The following PGM2L1 variants were observed in gnomAD, a reference collection of about 807,000 sequenced individuals.
The protein encoded by PGM2L1 is glucose 1,6-bisphosphate synthase.
A neutral mutation model predicts 73.4 loss-of-function variants in PGM2L1; 35 were observed. The observed-to-expected ratio is 0.48, with a 90% confidence interval of 0.36 to 0.63. The LOEUF (loss-of-function observed/expected upper bound fraction) is 0.63, where lower values mean the gene tolerates loss of function less well. Ranked by LOEUF, PGM2L1 falls within the 30% of genes least tolerant of loss-of-function variation. The pLI is 0.00. For missense variants in PGM2L1, 570 were observed against 742.0 expected (o/e 0.77, Z 2.69); for synonymous variants, 225 against 253.8 (o/e 0.89, Z 1.08).
intron 1 of PGM2L1, among the ~76,000 whole-genome samples, chr11:74,392,996 G>C (rs1006731242): frequency 6.6e-6 from 1 of 152,182 alleles, no homozygotes; most frequent in Non-Finnish European, 1.5e-5. Flanking sequence ...CTTAAAAGCC[G>C]TATCTCCTTT....
At chr11:74,365,667 A>G (rs1025413977) in intron 5 of PGM2L1, among the ~76,000 whole-genome samples, 3 of 152,300 alleles carry the variant, frequency 2.0e-5, no homozygotes, top group African/African-American at 7.2e-5. Context: ...ATGAGATACC[A>G]TCTCACACCA....
chr11:74,379,462 T>C (rs1462673992), intron 1 of PGM2L1, among the ~76,000 whole-genome samples: 1 of 152,138 alleles, frequency 6.6e-6, no homozygotes, highest in Non-Finnish European at 1.5e-5. Context: ...TGTAAATCTT[T>C]TTTCCTACTT....
At chr11:74,346,126 T>C (rs1469988959) in intron 8 of PGM2L1, among the ~76,000 whole-genome samples, 2 of 151,362 alleles carry the variant, frequency 1.3e-5, no homozygotes, top group South Asian at 2.1e-4. Flanking sequence ...TAGCCAGGCA[T>C]GGTGGCACAT....
At position 74,351,455 on chromosome 11, in the gene PGM2L1, G is replaced by C; in HGVS notation, c.677C>G (p.Pro226Arg). 6.2e-7 allele frequency: 1 copy of C among 1,613,934 alleles called. No homozygotes were observed. The highest frequency in any genetic ancestry group is 8.5e-7 in the Non-Finnish European group (1 of 1,179,982). The change falls in exon 6 of 14, where the codon CCG (proline) becomes CGG (arginine). Residue 226 changes from proline (P) to arginine (R), a missense_variant. By Grantham distance (103) the Pro-to-Arg change is moderately radical. Transcript: ENST00000298198. ...SWNDNLVDTS[P>R]LKRDPLQDIC... ...GTCCTGCAGAGGGTCTCTCTTCAGC[G>C]GGCTGGTATCCACTAAATTATCATT...
chr11:74,349,431 G>A (rs1336688411), intron 6 of PGM2L1, among the ~76,000 whole-genome samples: 2 of 152,184 alleles, frequency 1.3e-5, no homozygotes, highest in Non-Finnish European at 2.9e-5. Context: ...GTCAGTGGGA[G>A]TCCCTTCAAG....
chr11:74,395,859 G>C (rs1863167994), intron 1 of PGM2L1, among the ~76,000 whole-genome samples: 1 of 151,962 alleles, frequency 6.6e-6, no homozygotes, highest in Non-Finnish European at 1.5e-5. Flanking sequence ...TATTTTATGT[G>C]CATTTTACAG....
At chr11:74,362,113 G>T (rs1333889159) in intron 5 of PGM2L1, among the ~76,000 whole-genome samples, 1 of 152,116 alleles carries the variant, frequency 6.6e-6, no homozygotes, top group East Asian at 1.9e-4. Context: ...CATCAAACTT[G>T]AAATGAAGGA....
chr11:74,390,367 G>C (rs1863083085), intron 1 of PGM2L1, among the ~76,000 whole-genome samples: 2 of 152,056 alleles, frequency 1.3e-5, no homozygotes, highest in Admixed American at 6.6e-5. Context: ...CTACATTTAA[G>C]GTTTCTTCAT....
chr11:74,377,028 G>A (rs1336689101), intron 1 of PGM2L1, among the ~76,000 whole-genome samples: 1 of 151,666 alleles, frequency 6.6e-6, no homozygotes, highest in African/African-American at 2.4e-5. Context: ...CCATTCAGAT[G>A]AACTTACATT....
intron 1 of PGM2L1, among the ~76,000 whole-genome samples, chr11:74,392,147 A>T (rs1268942603): frequency 6.6e-6 from 1 of 152,170 alleles, no homozygotes; most frequent in African/African-American, 2.4e-5. Context: ...CATGGTAACC[A>T]CAAAAATAAC....
intron 13 of PGM2L1, among the ~76,000 whole-genome samples, chr11:74,337,177 G>A (rs561030075): frequency 7.8e-4 from 119 of 152,276 alleles, no homozygotes; most frequent in Admixed American, 2.6e-3. Context: ...CTAAAATAAC[G>A]TGATGTTTAA....
intron 5 of PGM2L1, among the ~76,000 whole-genome samples, chr11:74,363,794 C>T (rs951979437): frequency 9.2e-5 from 14 of 152,316 alleles, no homozygotes; most frequent in Admixed American, 8.5e-4. Flanking sequence ...TAAGGAGGAG[C>T]TGGTACCATT....
At chr11:74,395,137 G>A (rs1464898688) in intron 1 of PGM2L1, among the ~76,000 whole-genome samples, 2 of 152,034 alleles carry the variant, frequency 1.3e-5, no homozygotes, top group Non-Finnish European at 2.9e-5. Context: ...GATCAATGAA[G>A]AAATTTATTA....
intron 5 of PGM2L1, among the ~76,000 whole-genome samples, chr11:74,367,949 A>G (rs1431158482): frequency 1.3e-5 from 2 of 152,106 alleles, no homozygotes; most frequent in African/African-American, 4.8e-5. Context: ...AAATACAAGA[A>G]CACAGGCTTA....
chr11:74,347,599 A>C (rs1862286190), intron 6 of PGM2L1, among the ~76,000 whole-genome samples: 1 of 152,168 alleles, frequency 6.6e-6, no homozygotes, highest in African/African-American at 2.4e-5. Context: ...TGAACAAGCT[A>C]AGCTTGTATC....
intron 1 of PGM2L1, among the ~76,000 whole-genome samples, chr11:74,396,420 C>CT (rs1863177437): frequency 6.6e-6 from 1 of 151,074 alleles, no homozygotes; most frequent in East Asian, 1.9e-4. Flanking sequence ...TTTTTCTTTT[C>CT]TTTTCTTTTT....
rs1025827722 is a variant in PGM2L1 at position 74,393,847 on chromosome 11, A to G, written c.111+4204T>C. Among the ~76,000 whole-genome samples, 3 of 152,298 alleles carry G rather than the reference A, an allele frequency of 2.0e-5. No individual in the cohort carries two copies. The South Asian group carries it at 6.2e-4, about 32-fold the overall frequency. On this transcript the variant is annotated intron_variant, in intron 1 of 13. Coordinates refer to ENST00000298198, the MANE Select transcript of PGM2L1 (RefSeq NM_173582.6). ...CCCATCCACTTTGCCAGTGCCTAACATCTTACATATAGGACTGCTTTTAAA... is the reference window on the plus strand; with the variant it reads ...CCCATCCACTTTGCCAGTGCCTAACGTCTTACATATAGGACTGCTTTTAAA...
At chr11:74,370,699 C>G (rs1862738320) in intron 4 of PGM2L1, among the ~76,000 whole-genome samples, 1 of 152,180 alleles carries the variant, frequency 6.6e-6, no homozygotes, top group African/African-American at 2.4e-5. Flanking sequence ...GACTTGTCAA[C>G]TTTTATAGAT....
intron 5 of PGM2L1, among the ~76,000 whole-genome samples, chr11:74,362,231 GGGGGCCAATATTCAACATTC>G (rs1233762767): frequency 1.3e-5 from 2 of 152,176 alleles, no homozygotes; most frequent in Non-Finnish European, 2.9e-5. Flanking sequence ...AGAAGAGAGT[GGGGGCCAATATTCAACATTC>G]TTTAAAAAAG....
Sources: gnomAD v4.1 joint callset for allele counts (sites outside exome capture counted in the v4.1 genomes callset) on GRCh38, gnomAD v4.1.1 for gene constraint, MANE v1.5 for transcripts, NCBI Gene and HGNC (gene_info 2026-07-23, HGNC 2026-07-21) for gene names.